Variants in LYPD6B observed in about 807,000 individuals in gnomAD.
LYPD6B encodes the protein ly6/PLAUR domain-containing protein 6B.
A neutral mutation model predicts 22.8 loss-of-function variants in LYPD6B; 17 were observed. That is an observed-to-expected ratio of 0.75 (90% confidence interval 0.51 to 1.12). LYPD6B has a LOEUF of 1.12. Ranked by LOEUF, LYPD6B falls within the 50% of genes most tolerant of loss-of-function variation. LYPD6B has a pLI of 0.00. For missense variants in LYPD6B, 221 were observed against 258.3 expected (o/e 0.86, Z 0.99); for synonymous variants, 106 against 91.6 (o/e 1.16, Z -0.90).
intron 2 of LYPD6B, among the ~76,000 whole-genome samples, chr2:149,155,106 A>T (rs1689615247): frequency 6.6e-6 from 1 of 152,142 alleles, no homozygotes; most frequent in Admixed American, 6.5e-5. Context: ...CCTTAAAGTA[A>T]AATTACCTCT....
rs74323466 is a variant in LYPD6B, at chr2:149,171,105, G to A, written c.77+10270G>A. Among the ~76,000 whole-genome samples, 2,183 of 152,294 alleles carry A rather than the reference G, an allele frequency of 0.014. 273 individuals are homozygous for A. The East Asian group carries it at 0.31, about 22-fold the overall frequency. On this transcript the variant is annotated intron_variant, in intron 3 of 6. Coordinates refer to ENST00000409642, the MANE Select transcript of LYPD6B (RefSeq NM_177964.5). ...TGTGAGATAGGACCTGGTTGCAGGT[G>A]GGAGCAGCCACTCTGGGACTCTCAG...
chr2:149,043,059 T>C (rs1683160044), intron 1 of LYPD6B, among the ~76,000 whole-genome samples: 1 of 152,200 alleles, frequency 6.6e-6, no homozygotes, highest in South Asian at 2.1e-4. Context: ...GGGTCATTTC[T>C]TTCATCATTA....
In LYPD6B at chr2:149,045,187, AG is replaced by A. The variant is rs569983040; in HGVS notation, c.-67+6387del. Among the ~76,000 whole-genome samples, 421 of 152,134 alleles carry A rather than the reference AG, an allele frequency of 2.8e-3. 6 individuals carry two copies. Among genetic ancestry groups the A allele is most frequent in the African/African-American group, 9.9e-3 (410 of 41,568 alleles). On this transcript the variant is annotated intron_variant, in intron 1 of 6. Transcript: ENST00000409642. Reference sequence around the variant, plus strand: ...TCAAAGATTCAGTCCACTTCACCTAAGTTGTCAAATTCATTGATACAGAATT... The same window carrying A: ...TCAAAGATTCAGTCCACTTCACCTAATTGTCAAATTCATTGATACAGAATT...
At chr2:149,179,993 G>A (rs1360801351) in intron 3 of LYPD6B, among the ~76,000 whole-genome samples, 1 of 152,108 alleles carries the variant, frequency 6.6e-6, no homozygotes, top group African/African-American at 2.4e-5. Flanking sequence ...AATAATGAAA[G>A]GAAATGTCAG....
intron 1 of LYPD6B, among the ~76,000 whole-genome samples, chr2:149,084,246 G>T (rs1185226902): frequency 6.6e-6 from 1 of 152,172 alleles, no homozygotes; most frequent in African/African-American, 2.4e-5. Flanking sequence ...GCCTGTATTA[G>T]CTACTCCACT....
chr2:149,212,173 C>T lies in LYPD6B; in HGVS notation c.329-819C>T, dbSNP rs1461630133. 1.2e-4 allele frequency among the ~76,000 whole-genome samples: 18 copies of T among 150,796 alleles called. No homozygotes were observed. The East Asian group carries it at 2.4e-3, about 20-fold the overall frequency. ...CGGGCGGATCATGAGGTCAGGAGAT[C>T]GAGGTCATCCTGGCTAACATGGTCA... On this transcript the variant is annotated intron_variant, in intron 5 of 6. Coordinates refer to ENST00000409642, the MANE Select transcript of LYPD6B (RefSeq NM_177964.5).
At chr2:149,086,582 G>T (rs1367691829) in intron 1 of LYPD6B, among the ~76,000 whole-genome samples, 2 of 152,308 alleles carry the variant, frequency 1.3e-5, no homozygotes, top group East Asian at 3.9e-4. Flanking sequence ...AAAGGGTAAG[G>T]GGTGATACGC....
chr2:149,160,051 G>A (rs1689959557), intron 2 of LYPD6B, among the ~76,000 whole-genome samples: 1 of 151,980 alleles, frequency 6.6e-6, no homozygotes, highest in Non-Finnish European at 1.5e-5. Flanking sequence ...CTACTCAAGA[G>A]GCTAAGATGG....
chr2:149,187,647 C>A, intron 3 of LYPD6B: 1 of 877,058 alleles, frequency 1.1e-6, no homozygotes, highest in Non-Finnish European at 1.6e-6. Context: ...CAGGCTTGTC[C>A]AATCTTTTGG....
intron 1 of LYPD6B, among the ~76,000 whole-genome samples, chr2:149,121,531 A>G (rs182890477): frequency 1.3e-5 from 2 of 152,350 alleles, no homozygotes; most frequent in East Asian, 3.9e-4. Flanking sequence ...ATGAAGGGCT[A>G]TAGTCACAGA....
At chr2:149,067,384 G>C (rs1273551540) in intron 1 of LYPD6B, among the ~76,000 whole-genome samples, 1 of 151,906 alleles carries the variant, frequency 6.6e-6, no homozygotes, top group Non-Finnish European at 1.5e-5. Context: ...CTTTTAAAAA[G>C]TTGTTTTCCA....
intron 1 of LYPD6B, among the ~76,000 whole-genome samples, chr2:149,095,542 C>T (rs982521760): frequency 3.9e-5 from 6 of 152,156 alleles, no homozygotes; most frequent in Admixed American, 3.3e-4. Flanking sequence ...TTACTCTTAG[C>T]TAATCTAGTT....
intron 1 of LYPD6B, among the ~76,000 whole-genome samples, chr2:149,045,982 A>G (rs982889795): frequency 6.6e-6 from 1 of 152,108 alleles, no homozygotes; most frequent in African/African-American, 2.4e-5. Context: ...CAAGAGAGGA[A>G]TGTTAGCATT....
chr2:149,160,704 T>C (rs925455566), intron 2 of LYPD6B, 60 bp from the exon 3 acceptor site: 1 of 1,198,558 alleles, frequency 8.3e-7, no homozygotes, highest in Non-Finnish European at 1.2e-6. Context: ...TTCCAGTTGT[T>C]CAAGAACGTT....
chr2:149,183,903 C>T (rs941687371), intron 3 of LYPD6B, among the ~76,000 whole-genome samples: 1 of 150,964 alleles, frequency 6.6e-6, no homozygotes, highest in African/African-American at 2.4e-5. Context: ...AGTTTTAAAA[C>T]TTTATTTGGC....
At chr2:149,209,007 G>A (rs1023215543) in intron 5 of LYPD6B, among the ~76,000 whole-genome samples, 18 of 152,138 alleles carry the variant, frequency 1.2e-4, no homozygotes, top group Admixed American at 1.3e-4. Context: ...AGAGGGAATC[G>A]CAAATGCAGA....
At chr2:149,063,722 A>G (rs11681538) in intron 1 of LYPD6B, among the ~76,000 whole-genome samples, 25,209 of 152,240 alleles carry the variant, frequency 0.17, 2,360 homozygotes, top group East Asian at 0.38. Context: ...TATCCCAGAA[A>G]TAAATTCCAA....
chr2:149,151,108 G>A (rs890011090), intron 2 of LYPD6B, among the ~76,000 whole-genome samples: 11 of 152,038 alleles, frequency 7.2e-5, no homozygotes, highest in African/African-American at 2.4e-4. Context: ...ACTTTTTCAC[G>A]TGGGAGGTTT....
At chr2:149,199,324 G>A (rs1037532798) in intron 3 of LYPD6B, among the ~76,000 whole-genome samples, 14 of 152,214 alleles carry the variant, frequency 9.2e-5, no homozygotes, top group African/African-American at 3.1e-4. Context: ...TTTCTTCTAG[G>A]TATTTCTGAA....
Sources: gnomAD v4.1 joint callset for allele counts (sites outside exome capture counted in the v4.1 genomes callset) on GRCh38, gnomAD v4.1.1 for gene constraint, MANE v1.5 for transcripts, NCBI Gene and HGNC (gene_info 2026-07-23, HGNC 2026-07-21) for gene names.